The following UVSSA variants were observed in gnomAD, a reference collection of about 807,000 sequenced individuals.
The protein encoded by UVSSA is UV-stimulated scaffold protein A.
UVSSA carries 72 observed loss-of-function variants against 73.9 expected under a neutral mutation model. The observed-to-expected ratio is 0.97, with a 90% CI of 0.81 to 1.19. UVSSA has a LOEUF of 1.19. UVSSA is among the 50% of genes most tolerant of loss of function. UVSSA has a pLI of 0.00. For missense variants in UVSSA, 1,150 were observed against 965.0 expected (o/e 1.19, Z -2.54); for synonymous variants, 454 against 391.3 (o/e 1.16, Z -1.89).
At chr4:1,381,049 G>GCAGTGAGT in intron 12 of UVSSA, 61 bp downstream of exon 12, 1 of 1,508,816 alleles carries the variant, frequency 6.6e-7, no homozygotes, top group Non-Finnish European at 9.1e-7. Flanking sequence ...GCCACTAGTG[G>GCAGTGAGT]CCCGGGGTGT....
At chr4:1,343,763 G>A (rs1326970212), upstream of UVSSA, among the ~76,000 whole-genome samples, 1 of 151,988 alleles carries the variant, frequency 6.6e-6, no homozygotes, top group Non-Finnish European at 1.5e-5. Flanking sequence ...CTCCAGCCTG[G>A]GTGACAAGAG....
chr4:1,357,984 G>C (rs1027872707), intron 7 of UVSSA: 5 of 152,448 alleles, frequency 3.3e-5, no homozygotes, highest in African/African-American at 1.2e-4. Context: ...CGCCGACACT[G>C]TTAGCTGTCT....
intron 13 of UVSSA, chr4:1,384,407 C>G (rs1157488366): frequency 5.9e-6 from 1 of 168,670 alleles, no homozygotes; most frequent in Non-Finnish European, 1.3e-5. Context: ...CATGTCTTCT[C>G]TGAGCACTGG....
downstream of UVSSA, chr4:1,390,981 T>C (rs374722612): frequency 6.6e-6 from 1 of 152,070 alleles, no homozygotes; most frequent in Admixed American, 6.6e-5. Context: ...GTTGTATAGA[T>C]GTGTGTTGGG....
chr4:1,363,110 T>C (rs1195793732), intron 7 of UVSSA, among the ~76,000 whole-genome samples: 3 of 108,576 alleles, frequency 2.8e-5, no homozygotes, highest in Non-Finnish European at 6.2e-5. Flanking sequence ...TGCTGTGGTT[T>C]GAGGGGTACC....
upstream of UVSSA, among the ~76,000 whole-genome samples, chr4:1,343,842 G>A (rs1358458141): frequency 2.6e-5 from 4 of 152,110 alleles, no homozygotes; most frequent in Non-Finnish European, 4.4e-5. Flanking sequence ...TTTGCCTCTG[G>A]TATCATTTTC....
At position 1,380,315 on chromosome 4, in the gene UVSSA, G is replaced by A. The variant is rs934288144; in HGVS notation, c.1752+85G>A. On this transcript the variant is annotated intron_variant, in intron 11 of 13. Transcript: ENST00000389851. Reference sequence around the variant, plus strand: ...GGGGTGCTGAGCCCCACCTGCCCCTGCCCTGGGTCAGGGTGCTTGTGAGCA... The same window carrying A: ...GGGGTGCTGAGCCCCACCTGCCCCTACCCTGGGTCAGGGTGCTTGTGAGCA... 6 of 1,476,738 alleles carry A rather than the reference G, an allele frequency of 4.1e-6. No individual in the cohort carries two copies. The Middle Eastern group carries it at 7.2e-4, about 178-fold the overall frequency. 91.5% of individuals were successfully genotyped at this position (1,476,738 alleles called of 1,614,324 possible).
chr4:1,383,976 G>A (rs1560489659), intron 13 of UVSSA, 36 bp downstream of exon 13: 2 of 1,585,040 alleles, frequency 1.3e-6, no homozygotes, highest in Non-Finnish European at 1.7e-6. Context: ...CCACCGCGTG[G>A]CCCCCCCGTG....
At chr4:1,368,584 G>A (rs867322517) in intron 8 of UVSSA, among the ~76,000 whole-genome samples, 10 of 152,242 alleles carry the variant, frequency 6.6e-5, no homozygotes, top group Admixed American at 2.0e-4. Flanking sequence ...CAAGGGGGCC[G>A]AGCGGCCTCG....
chr4:1,372,310 G>C (rs116032653), intron 8 of UVSSA, among the ~76,000 whole-genome samples: 16 of 152,278 alleles, frequency 1.1e-4, no homozygotes, highest in African/African-American at 3.9e-4. Context: ...GTCTTCAAAA[G>C]ACACATCTGG....
At chr4:1,350,091 G>C (rs1191450399) in intron 3 of UVSSA, among the ~76,000 whole-genome samples, 1 of 152,120 alleles carries the variant, frequency 6.6e-6, no homozygotes, top group South Asian at 2.1e-4. Context: ...TAAGCTTTAT[G>C]TGTGGGTGGA....
At chr4:1,374,331 G>C (rs2109258087) in intron 8 of UVSSA, among the ~76,000 whole-genome samples, 1 of 152,350 alleles carries the variant, frequency 6.6e-6, no homozygotes, top group Admixed American at 6.5e-5. Context: ...CGACGCCTCA[G>C]GACACCAGCT....
Position 1,386,697 on chromosome 4 carries a change from T to G in UVSSA, c.*736T>G, listed in dbSNP as rs1479990810. On this transcript the variant is annotated 3_prime_UTR_variant, in exon 14 of 14. Transcript: ENST00000389851. Reference sequence around the variant, plus strand: ...CTTGCCTATTTTTAATTGAATGATTTATCTTGAGTTGTAACAGTTGTTTTT... The same window carrying G: ...CTTGCCTATTTTTAATTGAATGATTGATCTTGAGTTGTAACAGTTGTTTTT... 2 of 147,148 alleles carry G rather than the reference T, an allele frequency of 1.4e-5. No individual in the cohort carries two copies. Among genetic ancestry groups the G allele is most frequent in the East Asian group, 2.0e-4 (1 of 4,986 alleles). 9.1% of individuals were successfully genotyped at this position (147,148 alleles called of 1,614,324 possible). A position where few individuals can be genotyped will look rare whatever the true frequency, so the allele number is the denominator to read the frequency against.
intron 11 of UVSSA, chr4:1,380,504 G>A (rs1402936151): frequency 6.9e-6 from 6 of 874,568 alleles, no homozygotes; most frequent in Non-Finnish European, 1.0e-5. Context: ...TATCCTCCAT[G>A]GTTGCAGCCC....
chr4:1,383,353 C>T lies in UVSSA; in HGVS notation c.1862-413C>T, dbSNP rs551006496. Among the ~76,000 whole-genome samples, 4 of 152,304 alleles carry T rather than the reference C, an allele frequency of 2.6e-5. No individual in the cohort carries two copies. The East Asian group carries it at 5.8e-4, about 22-fold the overall frequency. ...GGGCCACAGTTTGCCTAGTGGGGCA[C>T]GGTCCAGCCTGCAGGCAGGAAAGGA... is the stretch of plus-strand genomic sequence containing the variant. On this transcript the variant is annotated intron_variant, in intron 12 of 13. Transcript: ENST00000389851.
intron 5 of UVSSA, 150 bp from the exon 6 acceptor site, chr4:1,354,585 G>A: frequency 1.6e-6 from 1 of 638,044 alleles, no homozygotes; most frequent in Non-Finnish European, 2.8e-6. Flanking sequence ...CCTTCTCACA[G>A]CATCAGGTTT....
At chr4:1,357,034 G>A (rs1176894399) in intron 7 of UVSSA, 1 of 152,528 alleles carries the variant, frequency 6.6e-6, no homozygotes, top group African/African-American at 2.4e-5. Flanking sequence ...GGGTGGCATG[G>A]TCTGGTCTCA....
exon 14 of UVSSA, chr4:1,394,281 G>A (rs1720469782): frequency 1.2e-6 from 1 of 813,044 alleles, no homozygotes; most frequent in East Asian, 2.7e-5. Context: ...CATGAGTTAT[G>A]TAGTTGAATT....
intron 10 of UVSSA, among the ~76,000 whole-genome samples, chr4:1,377,723 G>A (rs1288926357): frequency 1.3e-5 from 2 of 152,112 alleles, no homozygotes; most frequent in Admixed American, 1.3e-4. Context: ...GGTTAGTCCT[G>A]GATGGCACCG....
Sources: gnomAD v4.1 joint callset for allele counts (sites outside exome capture counted in the v4.1 genomes callset) on GRCh38, gnomAD v4.1.1 for gene constraint, MANE v1.5 for transcripts, NCBI Gene and HGNC (gene_info 2026-07-23, HGNC 2026-07-21) for gene names.